The following SCAMP1 variants were observed in gnomAD, a reference collection of about 807,000 sequenced individuals.
SCAMP1 encodes the protein secretory carrier-associated membrane protein 1.
SCAMP1 carries 15 observed loss-of-function variants against 41.8 expected under a neutral mutation model. The ratio of observed to expected loss-of-function variants is 0.36; its 90% CI spans 0.24 to 0.55. The LOEUF (loss-of-function observed/expected upper bound fraction) is 0.55, where lower values mean the gene tolerates loss of function less well. SCAMP1 is among the 20% of genes least tolerant of loss of function. The probability of loss-of-function intolerance (pLI) is 0.86; values close to 1 mark genes in which losing one functional copy is unlikely to be tolerated. For missense variants in SCAMP1, 341 were observed against 412.6 expected, an observed-to-expected ratio of 0.83 and a Z score of 1.50; for synonymous variants, 135 against 136.8, an observed-to-expected ratio of 0.99 and a Z score of 0.09.
intron 1 of SCAMP1, among the ~76,000 whole-genome samples, chr5:78,383,080 TC>T (rs1211158405): frequency 6.6e-6 from 1 of 152,224 alleles, no homozygotes; most frequent in African/African-American, 2.4e-5. Flanking sequence ...GTAAAAGTGT[TC>T]CCTTTTTACC....
At chr5:78,438,006 G>T (rs536799273) in intron 6 of SCAMP1, among the ~76,000 whole-genome samples, 3 of 152,144 alleles carry the variant, frequency 2.0e-5, no homozygotes, top group African/African-American at 4.8e-5. Context: ...TTGTGTAGAG[G>T]TGTTCATAGT....
intron 2 of SCAMP1, among the ~76,000 whole-genome samples, chr5:78,409,453 A>G (rs181419392): frequency 6.9e-6 from 1 of 144,816 alleles, no homozygotes; most frequent in Non-Finnish European, 1.5e-5. Context: ...ACACACGCAT[A>G]CACGCTCATC....
chr5:78,376,118 C>T (rs951571255), intron 1 of SCAMP1, among the ~76,000 whole-genome samples: 1 of 152,082 alleles, frequency 6.6e-6, no homozygotes, highest in Non-Finnish European at 1.5e-5. Context: ...ACGGTCCTAC[C>T]GATATGTGAT....
At chr5:78,366,018 A>G (rs1750786232) in intron 1 of SCAMP1, among the ~76,000 whole-genome samples, 1 of 152,176 alleles carries the variant, frequency 6.6e-6, no homozygotes, top group Non-Finnish European at 1.5e-5. Flanking sequence ...TCTGGAGGCT[A>G]GGAAGTCCAA....
intron 6 of SCAMP1, among the ~76,000 whole-genome samples, chr5:78,437,837 C>T (rs1359746326): frequency 6.6e-6 from 1 of 152,202 alleles, no homozygotes. Flanking sequence ...GTGAATCCGT[C>T]TGGTCCTGGA....
At chr5:78,460,805 CTCCCTTCCTTCCTTCCTTTCTTG>C (rs1753581754) in intron 8 of SCAMP1, among the ~76,000 whole-genome samples, 3 of 38,324 alleles carry the variant, frequency 7.8e-5, no homozygotes, top group African/African-American at 4.0e-4. Context: ...TCCTTCCTTC[CTCCCTTCCTTCCTTCCTTTCTTG>C]TCTTTCCTCT....
rs1295246693 is a variant in SCAMP1 at position 78,476,993 on chromosome 5, G to GAAAGACAT, written c.*1325_*1326insAAAGACAT. On this transcript the variant is annotated 3_prime_UTR_variant, in exon 9 of 9. Transcript: ENST00000621999. ...CTCAAAGACATCTGTAAGTCATGCT[G>GAAAGACAT]CTGTGTTTTGAAAGTCTTTAACTAA... 3 of 152,120 alleles carry GAAAGACAT rather than the reference G, an allele frequency of 2.0e-5. No homozygotes were observed. The highest frequency in any genetic ancestry group is 4.8e-5 in the African/African-American group (2 of 41,432). The allele number at this position is 152,120 out of a possible 1,614,324, so 9.4% of individuals were successfully genotyped here.
At chr5:78,404,687 C>G (rs1243808138) in intron 2 of SCAMP1, among the ~76,000 whole-genome samples, 2 of 152,022 alleles carry the variant, frequency 1.3e-5, no homozygotes, top group Non-Finnish European at 2.9e-5. Flanking sequence ...ATTTCCCTTC[C>G]CCCAGGTGAG....
At chr5:78,450,129 G>A (rs1295213714) in intron 7 of SCAMP1, 95 bp downstream of exon 7, 5 of 673,194 alleles carry the variant, frequency 7.4e-6, no homozygotes, top group Non-Finnish European at 1.3e-5. Context: ...AACCAGATTA[G>A]AAAAATTAAA....
intron 7 of SCAMP1, among the ~76,000 whole-genome samples, chr5:78,458,653 A>G (rs1446972353): frequency 6.6e-6 from 1 of 152,176 alleles, no homozygotes; most frequent in African/African-American, 2.4e-5. Context: ...AGGCCGAGTC[A>G]GGTGGATCAC....
rs1754042978 is a variant in SCAMP1 at position 78,477,923 on chromosome 5, AT to A, written c.*2258del. ...GATTGGCATTTGTTAAGTGTTCTAT[AT>A]TTAGTACTAAAATCACAGTCATGAA... On this transcript the variant is annotated 3_prime_UTR_variant, in exon 9 of 9. Transcript: ENST00000621999. 6.6e-6 allele frequency: 1 copy of A among 152,144 alleles called. No individual in the cohort carries two copies. The highest frequency in any genetic ancestry group is 1.9e-4 in the East Asian group (1 of 5,202). The allele number at this position is 152,144 out of a possible 1,614,324, so 9.4% of individuals were successfully genotyped here.
intron 6 of SCAMP1, among the ~76,000 whole-genome samples, chr5:78,428,257 TG>T (rs1752515958): frequency 2.0e-5 from 3 of 152,174 alleles, no homozygotes; most frequent in Non-Finnish European, 4.4e-5. Context: ...AGGGTCTAAA[TG>T]CATCTTTTTG....
chr5:78,440,060 C>T (rs1752878782), intron 6 of SCAMP1, among the ~76,000 whole-genome samples: 1 of 152,126 alleles, frequency 6.6e-6, no homozygotes, highest in Admixed American at 6.5e-5. Flanking sequence ...TCCATCAGGT[C>T]CTTTTAAGGT....
At chr5:78,409,627 G>T (rs915522395) in intron 2 of SCAMP1, among the ~76,000 whole-genome samples, 1 of 152,098 alleles carries the variant, frequency 6.6e-6, no homozygotes, top group African/African-American at 2.4e-5. Context: ...CTACAGATGT[G>T]AAGAAATTAT....
intron 8 of SCAMP1, among the ~76,000 whole-genome samples, chr5:78,460,154 T>C (rs1196143626): frequency 3.3e-5 from 5 of 152,236 alleles, no homozygotes; most frequent in Non-Finnish European, 7.3e-5. Context: ...AGTCTACTAT[T>C]GATGGACGCT....
chr5:78,361,922 AAGG>A (rs1284920962), intron 1 of SCAMP1, among the ~76,000 whole-genome samples: 1 of 152,202 alleles, frequency 6.6e-6, no homozygotes. Context: ...TGATAATTCC[AAGG>A]AGGATTATTT....
At chr5:78,365,472 C>CAAAA (rs35765310) in intron 1 of SCAMP1, among the ~76,000 whole-genome samples, 3 of 55,574 alleles carry the variant, frequency 5.4e-5, no homozygotes, top group Admixed American at 2.2e-4. Context: ...AGACTCATCT[C>CAAAA]AAAAAAAAAA....
intron 8 of SCAMP1, among the ~76,000 whole-genome samples, chr5:78,460,713 TTCTC>T (rs1753564007): frequency 6.6e-6 from 1 of 151,838 alleles, no homozygotes. Flanking sequence ...ACTCTGTTTA[TTCTC>T]TCTTTCTTTC....
intron 1 of SCAMP1, among the ~76,000 whole-genome samples, chr5:78,361,383 A>G (rs534370554): frequency 4.6e-5 from 7 of 152,316 alleles, no homozygotes; most frequent in African/African-American, 1.4e-4. Flanking sequence ...CTGGAAAACA[A>G]TAGTGCACGT....
Sources: gnomAD v4.1 joint callset for allele counts (sites outside exome capture counted in the v4.1 genomes callset) on GRCh38, gnomAD v4.1.1 for gene constraint, MANE v1.5 for transcripts, NCBI Gene and HGNC (gene_info 2026-07-23, HGNC 2026-07-21) for gene names.